The following SORCS2 variants were observed in gnomAD, a reference collection of about 807,000 sequenced individuals.
SORCS2 encodes sortilin related VPS10 domain containing receptor 2.
SORCS2 carries 100 observed loss-of-function variants against 141.6 expected under a neutral mutation model. The ratio of observed to expected loss-of-function variants is 0.71; its 90% CI spans 0.60 to 0.83. The LOEUF is 0.83. Among genes scored for constraint, SORCS2 ranks in the 40% least tolerant of loss-of-function variants. The pLI is 0.00. For synonymous variants in SORCS2, 789 were observed against 676.9 expected (o/e 1.17, Z -2.57); for missense variants, 1,646 against 1,560.2 (o/e 1.05, Z -0.93).
At chr4:7,526,958 C>G (rs979375551) in intron 2 of SORCS2, among the ~76,000 whole-genome samples, 6 of 152,198 alleles carry the variant, frequency 3.9e-5, no homozygotes, top group Non-Finnish European at 7.3e-5. Context: ...CTTTTTAATG[C>G]TAAGTCTTTG....
At position 7,552,338 on chromosome 4, in the gene SORCS2, C is replaced by T. The variant is rs527573207; in HGVS notation, c.648+20709C>T. Among the ~76,000 whole-genome samples, 7 of 152,244 alleles carry T rather than the reference C, an allele frequency of 4.6e-5. 1 individual carries two copies. Among genetic ancestry groups the T allele is most frequent in the South Asian group, 4.1e-4 (2 of 4,820 alleles). ...GAATCCCAGGAAGGTGTCTCTGTCCCCTGGGGCACCAGCACTTTCAGCAGG... is the reference window on the plus strand; with the variant it reads ...GAATCCCAGGAAGGTGTCTCTGTCCTCTGGGGCACCAGCACTTTCAGCAGG... On this transcript the variant is annotated intron_variant, in intron 3 of 26. Transcript: ENST00000507866.
At chr4:7,569,132 G>A (rs1715210088) in intron 3 of SORCS2, among the ~76,000 whole-genome samples, 1 of 152,184 alleles carries the variant, frequency 6.6e-6, no homozygotes, top group Admixed American at 6.5e-5. Flanking sequence ...CATTGCTGTT[G>A]CCCAGCTCTT....
chr4:7,706,432 GT>G, intron 14 of SORCS2, among the ~76,000 whole-genome samples: 1 of 144,158 alleles, frequency 6.9e-6, no homozygotes, highest in Non-Finnish European at 1.5e-5. Context: ...GCTGGGCTCT[GT>G]CTGGGCAGGG....
chr4:7,579,041 T>A (rs1047207894), intron 3 of SORCS2, among the ~76,000 whole-genome samples: 28 of 151,992 alleles, frequency 1.8e-4, no homozygotes, highest in Admixed American at 1.8e-3. Context: ...TGGCTATAAT[T>A]TCATTTCAGT....
chr4:7,288,863 T>A (rs1409204967), intron 1 of SORCS2, among the ~76,000 whole-genome samples: 1 of 151,896 alleles, frequency 6.6e-6, no homozygotes, highest in Non-Finnish European at 1.5e-5. Flanking sequence ...AGGTGGCTGC[T>A]GCCCAGCCCA....
chr4:7,623,838 AC>A (rs1719359019), intron 3 of SORCS2, among the ~76,000 whole-genome samples: 1 of 151,820 alleles, frequency 6.6e-6, no homozygotes, highest in African/African-American at 2.4e-5. Context: ...TCCTTGCTCC[AC>A]CCCCAGCCCT....
At chr4:7,602,578 G>A (rs902962270) in intron 3 of SORCS2, among the ~76,000 whole-genome samples, 1 of 148,468 alleles carries the variant, frequency 6.7e-6, no homozygotes, top group Non-Finnish European at 1.5e-5. Context: ...GGGAAGAGGC[G>A]CTCCTCACTT....
At chr4:7,472,553 G>A (rs536354162) in intron 2 of SORCS2, among the ~76,000 whole-genome samples, 11 of 152,228 alleles carry the variant, frequency 7.2e-5, no homozygotes, top group African/African-American at 2.2e-4. Context: ...GCTGCCCTCC[G>A]GGAGGGCCCT....
chr4:7,528,583 G>A (rs529143986), intron 2 of SORCS2, among the ~76,000 whole-genome samples: 10 of 152,100 alleles, frequency 6.6e-5, no homozygotes, highest in Non-Finnish European at 7.4e-5. Context: ...CTGCCACCTC[G>A]CCCGGCCAAT....
chr4:7,454,632 G>C (rs1167148910), intron 2 of SORCS2, among the ~76,000 whole-genome samples: 2 of 127,708 alleles, frequency 1.6e-5, no homozygotes, highest in Admixed American at 7.6e-5. Context: ...GTCAGGTGCT[G>C]TGTGTTGGGG....
chr4:7,730,329 G>A (rs1193465683), intron 23 of SORCS2, among the ~76,000 whole-genome samples: 3 of 152,184 alleles, frequency 2.0e-5, no homozygotes, highest in Admixed American at 2.0e-4. Context: ...GGTGGAAAGG[G>A]TTCAGCTGCT....
intron 2 of SORCS2, among the ~76,000 whole-genome samples, chr4:7,474,120 G>A (rs771005172): frequency 2.6e-5 from 4 of 152,138 alleles, no homozygotes; most frequent in Admixed American, 6.5e-5. Flanking sequence ...GCTCACCCCC[G>A]TGTCTCCAGG....
chr4:7,542,570 G>A (rs1300471883), intron 3 of SORCS2, among the ~76,000 whole-genome samples: 1 of 152,180 alleles, frequency 6.6e-6, no homozygotes, highest in Non-Finnish European at 1.5e-5. Flanking sequence ...AGCTTGGAAT[G>A]GATTCTCTCC....
chr4:7,692,259 G>A lies in SORCS2; in HGVS notation c.1591+2671G>A, dbSNP rs370039895. On this transcript the variant is annotated intron_variant, in intron 11 of 26. Transcript: ENST00000507866. ...GTGCCACGTGACCGCACTGCTGGAG[G>A]TGGCTGGGGATGATGGCTACCTGTT... Among the ~76,000 whole-genome samples the A allele has an allele frequency of 3.3e-5, 5 of 152,318 alleles. No individual in the cohort carries two copies. The East Asian group carries it at 5.8e-4, about 18-fold the overall frequency.
chr4:7,511,549 C>T lies in SORCS2; in HGVS notation c.549-19981C>T, dbSNP rs191725775. Among the ~76,000 whole-genome samples the T allele has an allele frequency of 4.4e-3, 670 of 151,878 alleles. 3 individuals carry two copies. The highest frequency in any genetic ancestry group is 7.2e-3 in the Non-Finnish European group (486 of 67,944). ...GCAACAGAGAGACAGAGACAGAAGGCCCAGGGGTTGAAGAGAGAGTGAGCC... is the reference window on the plus strand; with the variant it reads ...GCAACAGAGAGACAGAGACAGAAGGTCCAGGGGTTGAAGAGAGAGTGAGCC... On this transcript the variant is annotated intron_variant, in intron 2 of 26. Transcript: ENST00000507866.
intron 3 of SORCS2, among the ~76,000 whole-genome samples, chr4:7,550,085 C>T (rs1179123514): frequency 2.9e-5 from 3 of 101,722 alleles, no homozygotes; most frequent in South Asian, 8.1e-4. Context: ...TCACACCTGC[C>T]GGGAGCTGGT....
intron 4 of SORCS2, among the ~76,000 whole-genome samples, chr4:7,649,466 C>A (rs758109036): frequency 6.6e-6 from 1 of 151,962 alleles, no homozygotes; most frequent in Non-Finnish European, 1.5e-5. Flanking sequence ...GCTGCAGGAC[C>A]GAGGGCTGAG....
At chr4:7,438,135 T>C (rs1199369773) in intron 2 of SORCS2, among the ~76,000 whole-genome samples, 1 of 152,216 alleles carries the variant, frequency 6.6e-6, no homozygotes, top group South Asian at 2.1e-4. Flanking sequence ...CCATGTGGCA[T>C]TGATTTCCCA....
chr4:7,483,322 CAAAA>C (rs34942012), intron 2 of SORCS2, among the ~76,000 whole-genome samples: 3 of 75,784 alleles, frequency 4.0e-5, no homozygotes. Context: ...GACTCCATCT[CAAAA>C]AAAAAAAAAA....
Sources: gnomAD v4.1 joint callset for allele counts (sites outside exome capture counted in the v4.1 genomes callset) on GRCh38, gnomAD v4.1.1 for gene constraint, MANE v1.5 for transcripts, NCBI Gene and HGNC (gene_info 2026-07-23, HGNC 2026-07-21) for gene names.